The following SUPT3H variants were observed in gnomAD, a reference collection of about 807,000 sequenced individuals.
The protein encoded by SUPT3H is SPT3 homolog, SAGA and STAGA complex component.
A neutral mutation model predicts 44.3 loss-of-function variants in SUPT3H; 44 were observed. That is an observed-to-expected ratio of 0.99 (90% CI 0.78 to 1.28). The LOEUF is 1.28. Among genes scored for constraint, SUPT3H ranks in the 50% most tolerant of loss-of-function variants. The probability of loss-of-function intolerance (pLI) is 0.00; values close to 1 mark genes in which losing one functional copy is unlikely to be tolerated. For missense variants in SUPT3H, 380 were observed against 387.1 expected (o/e 0.98, Z 0.15); for synonymous variants, 124 against 125.6 (o/e 0.99, Z 0.09).
intron 2 of SUPT3H, among the ~76,000 whole-genome samples, chr6:45,263,870 T>A (rs1486368428): frequency 6.6e-6 from 1 of 152,190 alleles, no homozygotes; most frequent in Non-Finnish European, 1.5e-5. Context: ...TATATTATAG[T>A]CCATTTTCTA....
intron 2 of SUPT3H, among the ~76,000 whole-genome samples, chr6:45,272,634 T>G (rs1449677541): frequency 6.6e-6 from 1 of 152,182 alleles, no homozygotes; most frequent in African/African-American, 2.4e-5. Flanking sequence ...GAATCAGGAC[T>G]GTAAGGTGGA....
intron 2 of SUPT3H, among the ~76,000 whole-genome samples, chr6:45,138,289 G>A (rs1333883433): frequency 6.6e-6 from 1 of 152,032 alleles, no homozygotes; most frequent in African/African-American, 2.4e-5. Flanking sequence ...GAGAACAGTT[G>A]GACATTTTCT....
chr6:45,049,575 G>A (rs1260988895), intron 3 of SUPT3H, among the ~76,000 whole-genome samples: 2 of 152,056 alleles, frequency 1.3e-5, no homozygotes, highest in Non-Finnish European at 2.9e-5. Flanking sequence ...TAATTTTGCT[G>A]CCCGCTGGCA....
chr6:45,058,890 C>T (rs886670929), intron 3 of SUPT3H, among the ~76,000 whole-genome samples: 3 of 152,194 alleles, frequency 2.0e-5, no homozygotes, highest in South Asian at 2.1e-4. Flanking sequence ...GTAAGATCTA[C>T]CCGAATTGCA....
intron 3 of SUPT3H, among the ~76,000 whole-genome samples, chr6:45,061,288 C>A (rs1406018210): frequency 6.6e-6 from 1 of 152,116 alleles, no homozygotes; most frequent in Non-Finnish European, 1.5e-5. Context: ...AAGATCATGT[C>A]CTTTGCAGGG....
intron 5 of SUPT3H, among the ~76,000 whole-genome samples, chr6:45,007,138 C>T (rs962793598): frequency 2.0e-5 from 3 of 152,048 alleles, no homozygotes; most frequent in Admixed American, 6.6e-5. Context: ...TTCTAGCTTC[C>T]GGTGTTATAC....
At chr6:45,096,324 T>C (rs901384466) in intron 3 of SUPT3H, among the ~76,000 whole-genome samples, 1 of 152,182 alleles carries the variant, frequency 6.6e-6, no homozygotes, top group Non-Finnish European at 1.5e-5. Context: ...ATTCTATGAC[T>C]TTATTGTTCT....
intron 2 of SUPT3H, among the ~76,000 whole-genome samples, chr6:45,285,050 T>C (rs1219798004): frequency 6.6e-6 from 1 of 151,912 alleles, no homozygotes; most frequent in Non-Finnish European, 1.5e-5. Flanking sequence ...CAGCCCTTCA[T>C]GCTAAAAACT....
At chr6:45,320,509 G>A (rs1785323760) in intron 2 of SUPT3H, among the ~76,000 whole-genome samples, 1 of 151,784 alleles carries the variant, frequency 6.6e-6, no homozygotes, top group Non-Finnish European at 1.5e-5. Flanking sequence ...GAACTCCTGG[G>A]GACAAGTGAT....
intron 10 of SUPT3H, among the ~76,000 whole-genome samples, chr6:44,891,937 T>C (rs1462838153): frequency 2.0e-5 from 3 of 152,138 alleles, no homozygotes; most frequent in East Asian, 1.9e-4. Context: ...TGTATGTTCC[T>C]AAGTGTCCTA....
chr6:45,016,309 CTA>C (rs1178608148), intron 4 of SUPT3H, among the ~76,000 whole-genome samples: 1 of 151,644 alleles, frequency 6.6e-6, no homozygotes. Flanking sequence ...TGGTACCTGA[CTA>C]TAATTGTTTT....
intron 3 of SUPT3H, among the ~76,000 whole-genome samples, chr6:45,031,478 T>C (rs530754752): frequency 6.6e-6 from 1 of 152,332 alleles, no homozygotes; most frequent in African/African-American, 2.4e-5. Flanking sequence ...GCTTTTTTGA[T>C]AGAGAACGAA....
chr6:44,956,128 AAAAG>A (rs1172124349), intron 7 of SUPT3H, among the ~76,000 whole-genome samples: 7 of 151,212 alleles, frequency 4.6e-5, no homozygotes, highest in Non-Finnish European at 7.4e-5. Context: ...TCAAAAAAAA[AAAAG>A]ATTCATGTAA....
intron 10 of SUPT3H, among the ~76,000 whole-genome samples, chr6:44,833,741 T>C (rs1259286601): frequency 6.6e-6 from 1 of 152,148 alleles, no homozygotes; most frequent in Non-Finnish European, 1.5e-5. Context: ...CTTTTCATTA[T>C]ACTACATTGT....
chr6:45,163,975 G>C (rs1166708772), intron 2 of SUPT3H, among the ~76,000 whole-genome samples: 1 of 152,080 alleles, frequency 6.6e-6, no homozygotes, highest in Non-Finnish European at 1.5e-5. Context: ...AAATTTACTT[G>C]TAACCCCAAA....
intron 2 of SUPT3H, among the ~76,000 whole-genome samples, chr6:45,195,143 G>A (rs1298745094): frequency 6.6e-6 from 1 of 152,096 alleles, no homozygotes; most frequent in Non-Finnish European, 1.5e-5. Flanking sequence ...AAGAAGGGAC[G>A]TGAAATGAGG....
chr6:45,256,119 C>T (rs965640242), intron 2 of SUPT3H, among the ~76,000 whole-genome samples: 1 of 152,000 alleles, frequency 6.6e-6, no homozygotes, highest in African/African-American at 2.4e-5. Flanking sequence ...TCCAGTGAGC[C>T]GAGTTTGCAC....
At chr6:44,899,470 G>A (rs933370871) in intron 10 of SUPT3H, among the ~76,000 whole-genome samples, 2 of 152,060 alleles carry the variant, frequency 1.3e-5, no homozygotes, top group Non-Finnish European at 2.9e-5. Flanking sequence ...GGCAGATCAC[G>A]AGGTCAGGAG....
chr6:45,006,038 T>TTTA (rs562419924), intron 5 of SUPT3H, among the ~76,000 whole-genome samples: 15 of 151,884 alleles, frequency 9.9e-5, no homozygotes, highest in Admixed American at 5.3e-4. Flanking sequence ...TTTATCCTGT[T>TTTA]TTATTATTAT....
Sources: gnomAD v4.1 joint callset for allele counts (sites outside exome capture counted in the v4.1 genomes callset) on GRCh38, gnomAD v4.1.1 for gene constraint, MANE v1.5 for transcripts, NCBI Gene and HGNC (gene_info 2026-07-23, HGNC 2026-07-21) for gene names.